Variants in L3MBTL4 observed in about 807,000 individuals in gnomAD.
L3MBTL4 encodes lethal(3)malignant brain tumor-like protein 4.
L3MBTL4 carries 70 observed loss-of-function variants against 84.5 expected under a neutral mutation model. The ratio of observed to expected loss-of-function variants is 0.83; its 90% confidence interval spans 0.68 to 1.01. L3MBTL4 has a LOEUF of 1.01. L3MBTL4 is among the 50% of genes least tolerant of loss of function. L3MBTL4 has a pLI of 0.00. For missense variants in L3MBTL4, 715 were observed against 754.8 expected (o/e 0.95, Z 0.62); for synonymous variants, 274 against 259.8 (o/e 1.05, Z -0.52).
At chr18:6,347,908 A>G (rs867625956) in intron 1 of L3MBTL4, among the ~76,000 whole-genome samples, 7 of 152,078 alleles carry the variant, frequency 4.6e-5, no homozygotes, top group Non-Finnish European at 1.0e-4. Context: ...GGATCTGAAC[A>G]CAAAAAAATT....
chr18:6,305,080 G>C lies in L3MBTL4; in HGVS notation c.73-3123C>G, dbSNP rs529152888. ...TCTGTACGTTCTTTAGGTGGATCAAGGTTATAGACAGGTAAACATACACAT... is the reference window on the plus strand; with the variant it reads ...TCTGTACGTTCTTTAGGTGGATCAACGTTATAGACAGGTAAACATACACAT... On this transcript the variant is annotated intron_variant, in intron 3 of 18. Transcript: ENST00000317931. Among the ~76,000 whole-genome samples, 3 of 152,236 alleles carry C rather than the reference G, an allele frequency of 2.0e-5. No homozygotes were observed. In the East Asian group the frequency reaches 5.8e-4, roughly 29 times the overall value.
chr18:6,257,004 ACG>A (rs1295677333), intron 5 of L3MBTL4: 1 of 152,636 alleles, frequency 6.6e-6, no homozygotes, highest in African/African-American at 2.4e-5. Flanking sequence ...AAAGCAAGGG[ACG>A]AGAGAAAGAG....
intron 14 of L3MBTL4, among the ~76,000 whole-genome samples, chr18:6,121,147 C>T (rs889140094): frequency 1.3e-5 from 2 of 152,174 alleles, no homozygotes; most frequent in African/African-American, 4.8e-5. Context: ...ACTATTATAA[C>T]TGAGGTCAAT....
chr18:6,087,167 A>C (rs1184894331), intron 15 of L3MBTL4, among the ~76,000 whole-genome samples: 4 of 152,204 alleles, frequency 2.6e-5, no homozygotes, highest in Non-Finnish European at 5.9e-5. Flanking sequence ...TGAATGAATG[A>C]ATATGTCTAA....
At chr18:6,029,987 A>T (rs1347867874) in intron 16 of L3MBTL4, 53 of 985,502 alleles carry the variant, frequency 5.4e-5, no homozygotes, top group Non-Finnish European at 6.4e-5. Context: ...ACACAGCAAC[A>T]TGAAAACCAT....
chr18:6,232,094 A>G (rs1453084614), intron 10 of L3MBTL4, among the ~76,000 whole-genome samples: 2 of 152,050 alleles, frequency 1.3e-5, no homozygotes, highest in African/African-American at 4.8e-5. Flanking sequence ...TTTTGTCATG[A>G]AAGGGTGTTG....
chr18:6,305,721 T>C (rs2050555584), intron 3 of L3MBTL4, among the ~76,000 whole-genome samples: 1 of 152,192 alleles, frequency 6.6e-6, no homozygotes, highest in East Asian at 1.9e-4. Context: ...AAATCCATCA[T>C]TTTGGAAGAC....
intron 5 of L3MBTL4, among the ~76,000 whole-genome samples, chr18:6,247,215 G>A (rs758221361): frequency 2.0e-5 from 3 of 151,994 alleles, no homozygotes; most frequent in Non-Finnish European, 4.4e-5. Flanking sequence ...GTTATTAACT[G>A]TAAATTTAAC....
intron 16 of L3MBTL4, among the ~76,000 whole-genome samples, chr18:5,995,968 GAGAATACTCACC>G (rs2053945020): frequency 6.6e-6 from 1 of 152,188 alleles, no homozygotes; most frequent in Non-Finnish European, 1.5e-5. Context: ...AGTTTGCCCT[GAGAATACTCACC>G]AGCTGGAGGC....
intron 15 of L3MBTL4, among the ~76,000 whole-genome samples, chr18:6,090,495 C>T (rs763308929): frequency 6.6e-6 from 1 of 151,134 alleles, no homozygotes; most frequent in African/African-American, 2.4e-5. Context: ...CAATATCTAA[C>T]CAAATTTGGA....
At chr18:6,194,330 C>T (rs886527301) in intron 12 of L3MBTL4, among the ~76,000 whole-genome samples, 1 of 152,170 alleles carries the variant, frequency 6.6e-6, no homozygotes, top group Non-Finnish European at 1.5e-5. Context: ...GCGATGGTCA[C>T]GGCAGCCTTC....
chr18:6,093,660 C>T (rs1415669363), intron 14 of L3MBTL4, 132 bp from the exon 15 acceptor site: 1 of 662,366 alleles, frequency 1.5e-6, no homozygotes, highest in Non-Finnish European at 2.3e-6. Flanking sequence ...TGAGCACACT[C>T]AAATAATAGT....
chr18:6,193,224 T>C (rs192964277), intron 12 of L3MBTL4, among the ~76,000 whole-genome samples: 2 of 152,034 alleles, frequency 1.3e-5, no homozygotes, highest in Admixed American at 1.3e-4. Flanking sequence ...CCTGCATGTG[T>C]ACTAAAACCA....
intron 4 of L3MBTL4, among the ~76,000 whole-genome samples, chr18:6,301,326 C>T (rs911540555): frequency 6.6e-6 from 1 of 152,102 alleles, no homozygotes; most frequent in South Asian, 2.1e-4. Context: ...TAACAGCTGT[C>T]TCCTTGTGTA....
At chr18:5,992,016 A>G (rs1000104476) in intron 16 of L3MBTL4, among the ~76,000 whole-genome samples, 14 of 151,882 alleles carry the variant, frequency 9.2e-5, no homozygotes, top group Non-Finnish European at 1.9e-4. Flanking sequence ...CCATCCATCC[A>G]TCCATCCATC....
intron 11 of L3MBTL4, among the ~76,000 whole-genome samples, chr18:6,215,222 T>C (rs1391865395): frequency 6.6e-6 from 1 of 152,230 alleles, no homozygotes; most frequent in South Asian, 2.1e-4. Context: ...GTACTACCTA[T>C]GTACTTTATT....
chr18:6,359,655 C>T (rs1007901349), intron 1 of L3MBTL4, among the ~76,000 whole-genome samples: 1 of 151,830 alleles, frequency 6.6e-6, no homozygotes, highest in Non-Finnish European at 1.5e-5. Flanking sequence ...AAATCTTACA[C>T]CAAATCTATT....
chr18:6,178,943 C>T (rs1408427663), intron 12 of L3MBTL4, among the ~76,000 whole-genome samples: 3 of 152,162 alleles, frequency 2.0e-5, no homozygotes. Flanking sequence ...GCTCCCATGG[C>T]ACTTAGCCCT....
chr18:6,295,309 A>G (rs866564258), intron 4 of L3MBTL4, among the ~76,000 whole-genome samples: 1 of 62,738 alleles, frequency 1.6e-5, no homozygotes, highest in African/African-American at 5.8e-5. Context: ...AACAACAACA[A>G]CTCTCTCTCT....
Sources: allele counts gnomAD v4.1 joint callset (sites outside exome capture counted in the v4.1 genomes callset), GRCh38; gene constraint gnomAD v4.1.1; transcripts MANE v1.5; gene names NCBI Gene and HGNC (gene_info 2026-07-23, HGNC 2026-07-21).